TSR1: variants seen among roughly 807,000 people sequenced by gnomAD.
The protein encoded by TSR1 is pre-rRNA-processing protein TSR1 homolog.
A neutral mutation model predicts 90.9 loss-of-function variants in TSR1; 81 were observed. The ratio of observed to expected loss-of-function variants is 0.89; its 90% confidence interval spans 0.74 to 1.07. The LOEUF is 1.07. Ranked by LOEUF, TSR1 falls within the 50% of genes least tolerant of loss-of-function variation. The probability of loss-of-function intolerance (pLI) is 0.00; values close to 1 mark genes in which losing one functional copy is unlikely to be tolerated. For synonymous variants in TSR1, 362 were observed against 348.8 expected, an observed-to-expected ratio of 1.04 and a Z score of -0.42; for missense variants, 989 against 987.3, an observed-to-expected ratio of 1.00 and a Z score of -0.02.
At chr17:2,326,261 T>C (rs2075575463) in intron 11 of TSR1, among the ~76,000 whole-genome samples, 1 of 152,160 alleles carries the variant, frequency 6.6e-6, no homozygotes, top group Non-Finnish European at 1.5e-5. Context: ...AGAATAAAAA[T>C]TATCCAAAAC....
intron 12 of TSR1, 110 bp from the exon 13 acceptor site, chr17:2,324,939 C>A: frequency 8.0e-7 from 1 of 1,252,042 alleles, no homozygotes; most frequent in Non-Finnish European, 1.1e-6. Context: ...CATCCCTGCC[C>A]TAGCCCAATC....
Position 2,333,644 on chromosome 17 carries a change from G to A in TSR1, c.1054C>T (p.Gln352Ter). 1 of 1,614,122 alleles carries A rather than the reference G, an allele frequency of 6.2e-7. No homozygotes were observed. Among genetic ancestry groups the A allele is most frequent in the Non-Finnish European group, 8.5e-7 (1 of 1,180,036 alleles). ...ATAACCTCTGCTTGCAAGGATTCCT[G>A]TCTACCAGGGTCTGCCTTCATTAGG... Reference protein sequence around the residue: ...KVLMKADPGRQESLQAEVIPD... With the variant: ...KVLMKADPGR Residue 352 changes from glutamine (Q) to a stop codon, truncating the protein, a stop_gained, in exon 6 of 15, where the codon CAG becomes TAG. Transcript: ENST00000301364. LOFTEE classifies it high-confidence loss of function.
At chr17:2,334,986 G>A in intron 4 of TSR1, 90 bp from the exon 5 acceptor site, 1 of 1,393,560 alleles carries the variant, frequency 7.2e-7, no homozygotes, top group Non-Finnish European at 9.7e-7. Flanking sequence ...TAGCTCAGTT[G>A]CAAGCCCAGA....
chr17:2,336,187 C>G lies in TSR1; in HGVS notation c.98-47G>C, dbSNP rs753998213. The G allele has an allele frequency of 1.3e-5, 21 of 1,606,292 alleles. No homozygotes were observed. The South Asian group carries it at 2.1e-4, about 16-fold the overall frequency. ...GCTGGTGTGATCGGCCCCACAAGGT[C>G]AAGAAAAGGGACTCCTCTCCGCCCA... On this transcript the variant is annotated intron_variant, in intron 1 of 14. Coordinates refer to ENST00000301364, the MANE Select transcript of TSR1 (RefSeq NM_018128.5).
intron 11 of TSR1, among the ~76,000 whole-genome samples, chr17:2,325,965 T>C (rs1270594653): frequency 6.6e-6 from 1 of 151,932 alleles, no homozygotes; most frequent in African/African-American, 2.4e-5. Flanking sequence ...TCGCTCTTGT[T>C]GCCCAGGCTG....
chr17:2,323,552 GT>G lies in TSR1; in HGVS notation c.*643del. On this transcript the variant is annotated 3_prime_UTR_variant, in exon 15 of 15. Transcript: ENST00000301364. Reference sequence around the variant, plus strand: ...AAGCTTTGGGAAGCGTGTGTACACAGTGATAAGAAAATTCAAACTGGACACG... The same window carrying G: ...AAGCTTTGGGAAGCGTGTGTACACAGGATAAGAAAATTCAAACTGGACACG... 10 of 1,310,410 alleles carry G rather than the reference GT, an allele frequency of 7.6e-6. No individual in the cohort carries two copies. The highest frequency in any genetic ancestry group is 1.1e-5 in the Non-Finnish European group (10 of 924,368). The allele number at this position is 1,310,410 out of a possible 1,614,324, so 81.2% of individuals were successfully genotyped here.
chr17:2,327,033 A>C (rs1025805890), intron 11 of TSR1, among the ~76,000 whole-genome samples: 5 of 152,030 alleles, frequency 3.3e-5, no homozygotes, highest in Non-Finnish European at 7.4e-5. Context: ...TGAACCTAGG[A>C]GGCAGAGGTT....
Position 2,323,830 on chromosome 17 carries a change from A to G in TSR1, c.*366T>C. On this transcript the variant is annotated 3_prime_UTR_variant, in exon 15 of 15. Coordinates refer to ENST00000301364, the MANE Select transcript of TSR1 (RefSeq NM_018128.5). ...TTAACCTCCTCCATAACTTGGGTGA[A>G]GCAGGCTGAAAGGCCAGCTTCTTAT... The G allele has an allele frequency of 6.2e-7, 1 of 1,614,202 alleles. No homozygotes were observed. The highest frequency in any genetic ancestry group is 8.5e-7 in the Non-Finnish European group (1 of 1,180,038).
In TSR1 at chr17:2,322,673, TTTTG is replaced by T. The variant is rs1183680361; in HGVS notation, c.*1519_*1522del. 1 of 93,610 alleles carries T rather than the reference TTTTG, an allele frequency of 1.1e-5. No homozygotes were observed. Among genetic ancestry groups the T allele is most frequent in the Non-Finnish European group, 2.3e-5 (1 of 43,654 alleles). 5.8% of individuals were successfully genotyped at this position (93,610 alleles called of 1,614,324 possible). A position where few individuals can be genotyped will look rare whatever the true frequency, so the allele number is the denominator to read the frequency against. On this transcript the variant is annotated 3_prime_UTR_variant, in exon 15 of 15. Coordinates refer to ENST00000301364, the MANE Select transcript of TSR1 (RefSeq NM_018128.5). ...CTGCCACCATGCCTGGCTAGTTTTT[TTTTG>T]TTTTTTTTTTTTGTATTTTTAGTAG...
At chr17:2,325,789 T>C (rs2075573163) in intron 11 of TSR1, among the ~76,000 whole-genome samples, 2 of 152,048 alleles carry the variant, frequency 1.3e-5, no homozygotes, top group South Asian at 4.1e-4. Context: ...ATTTTTGTAT[T>C]TTTAGTAGAG....
chr17:2,329,578 G>A, intron 10 of TSR1, 103 bp from the exon 11 acceptor site: 2 of 1,375,700 alleles, frequency 1.5e-6, no homozygotes, highest in Non-Finnish European at 2.0e-6. Context: ...CTCATTCTAA[G>A]AACTGACAAT....
At chr17:2,331,552 T>C (rs1162103835) in intron 8 of TSR1, among the ~76,000 whole-genome samples, 2 of 152,072 alleles carry the variant, frequency 1.3e-5, no homozygotes, top group African/African-American at 4.8e-5. Flanking sequence ...GCGCTGGCCG[T>C]GTGACATGAC....
At chr17:2,333,451 C>T in intron 6 of TSR1, 106 bp downstream of exon 6, 4 of 1,382,376 alleles carry the variant, frequency 2.9e-6, no homozygotes, top group Non-Finnish European at 3.1e-6. Context: ...AGACTTTCAA[C>T]TATACCCCCA....
chr17:2,329,436 T>G lies in TSR1; in HGVS notation c.1810A>C (p.Asn604His). The G allele has an allele frequency of 6.2e-7, 1 of 1,614,218 alleles. No homozygotes were observed. Among genetic ancestry groups the G allele is most frequent in the Non-Finnish European group, 8.5e-7 (1 of 1,180,046 alleles). Residue 604 changes from asparagine (N) to histidine (H), a missense_variant, in exon 11 of 15, where the codon AAC becomes CAC. Asn to His is a moderately conservative substitution (Grantham distance 68). Coordinates refer to ENST00000301364, the MANE Select transcript of TSR1 (RefSeq NM_018128.5). ...TCCTTGGCTTTCACAGGTTCAGTGTTGCCAGGGTCACGCCTCACCACCATA... is the reference window on the plus strand; with the variant it reads ...TCCTTGGCTTTCACAGGTTCAGTGTGGCCAGGGTCACGCCTCACCACCATA... ...LNMVVRRDPGNTEPVKAKEEL... is the reference protein window; with the variant it reads ...LNMVVRRDPGHTEPVKAKEEL...
Position 2,336,082 on chromosome 17 carries a change from G to A in TSR1, c.156C>T (p.Asp52=). 1 of 1,614,164 alleles carries A rather than the reference G, an allele frequency of 6.2e-7. No homozygotes were observed. Among genetic ancestry groups the A allele is most frequent in the Non-Finnish European group, 8.5e-7 (1 of 1,180,024 alleles). The change falls in exon 2 of 15, where the codon GAC becomes GAT. Residue 52 remains aspartate, a synonymous_variant. Coordinates refer to ENST00000301364, the MANE Select transcript of TSR1 (RefSeq NM_018128.5). ...KKVRKELSRV[D]QRHRASQLRK... is the part of the protein sequence containing the mutation. ...GGAGCTGGCTGGCGCGATGCCTCTG[G>A]TCGACTCTGCTGAGTTCTTTTCTCA...
Position 2,335,304 on chromosome 17 carries a change from T to C in TSR1, c.512A>G (p.Asp171Gly). The change falls in exon 4 of 15, where the codon GAT becomes GGT. Residue 171 changes from aspartate (D) to glycine (G), a missense_variant. By Grantham distance (94) the Asp-to-Gly change is moderately conservative. Coordinates refer to ENST00000301364, the MANE Select transcript of TSR1 (RefSeq NM_018128.5). The stretch of plus-strand genomic sequence containing the variant: ...AGCAAAGAGGCAGGAAAGACAGTAA[T>C]CACCGGTGCTGTCCCAGCCTTCTAG... ...DPLEGWDSTGDYCLSCLFAQG... is the reference protein window; with the variant it reads ...DPLEGWDSTGGYCLSCLFAQG... 1 of 1,614,064 alleles carries C rather than the reference T, an allele frequency of 6.2e-7. No homozygotes were observed. The highest frequency in any genetic ancestry group is 8.5e-7 in the Non-Finnish European group (1 of 1,180,012).
intron 11 of TSR1, 44 bp downstream of exon 11, chr17:2,329,299 C>T: frequency 6.2e-7 from 1 of 1,611,706 alleles, no homozygotes; most frequent in Middle Eastern, 1.7e-4. Context: ...AGTCACTTTC[C>T]CAAAAGACAA....
Position 2,324,206 on chromosome 17 carries a change from C to A in TSR1, c.2405G>T (p.Gly802Val). ...SEISSTVPQG[G>V]ME ...ATCTCTTTGAATCCATTACTCCATG[C>A]CCCCTTGAGGCACTGTTGAAGAAAT... is the stretch of plus-strand genomic sequence containing the variant. Residue 802 changes from glycine to valine, a missense_variant, in exon 15 of 15, where the codon GGC (glycine) becomes GTC (valine). Physicochemically the swap from Gly to Val is moderately radical, Grantham distance 109. Transcript: ENST00000301364. 1 of 1,520,946 alleles carries A rather than the reference C, an allele frequency of 6.6e-7. No individual in the cohort carries two copies. The highest frequency in any genetic ancestry group is 8.8e-7 in the Non-Finnish European group (1 of 1,139,312). 94.2% of individuals were successfully genotyped at this position (1,520,946 alleles called of 1,614,324 possible). A position where few individuals can be genotyped will look rare whatever the true frequency, so the allele number is the denominator to read the frequency against.
chr17:2,332,018 G>A (rs1281120398), intron 8 of TSR1, 151 bp downstream of exon 8: 6 of 791,224 alleles, frequency 7.6e-6, no homozygotes, highest in African/African-American at 3.5e-5. Context: ...TTTCCCGTAT[G>A]TATGTCCTGC....
Sources: gnomAD v4.1 joint callset for allele counts (sites outside exome capture counted in the v4.1 genomes callset) on GRCh38, gnomAD v4.1.1 for gene constraint, MANE v1.5 for transcripts, NCBI Gene and HGNC (gene_info 2026-07-23, HGNC 2026-07-21) for gene names.